USF3: variants seen among roughly 807,000 people sequenced by gnomAD.
The protein encoded by USF3 is basic helix-loop-helix domain-containing protein USF3.
In USF3, 29 loss-of-function variants were observed where a neutral mutation model predicts 157.5. That is an observed-to-expected ratio of 0.18 (90% CI 0.14 to 0.25). The LOEUF is 0.25. Ranked by LOEUF, USF3 falls within the 10% of genes least tolerant of loss-of-function variation. The pLI, the probability that USF3 is intolerant of heterozygous loss-of-function variation, is 1.00. For synonymous variants in USF3, 893 were observed against 941.4 expected, an observed-to-expected ratio of 0.95 and a Z score of 0.94; for missense variants, 2,381 against 2,667.6, an observed-to-expected ratio of 0.89 and a Z score of 2.37.
intron 5 of USF3, among the ~76,000 whole-genome samples, chr3:113,666,505 G>C (rs1320283723): frequency 1.3e-5 from 2 of 148,986 alleles, no homozygotes; most frequent in East Asian, 2.0e-4. Flanking sequence ...CTCCCACCTT[G>C]GTCTCCCAAA....
At chr3:113,683,302 T>TAGTTTTTAATCTATAAAAACTATTATCA (rs1707476892) in intron 1 of USF3, among the ~76,000 whole-genome samples, 6 of 152,108 alleles carry the variant, frequency 3.9e-5, no homozygotes, top group Admixed American at 2.0e-4. Flanking sequence ...AACTATTATC[T>TAGTTTTTAATCTATAAAAACTATTATCA]AGTTTTTAAT....
At chr3:113,667,703 C>A (rs192662575) in intron 5 of USF3, among the ~76,000 whole-genome samples, 3 of 152,130 alleles carry the variant, frequency 2.0e-5, no homozygotes, top group Admixed American at 2.0e-4. Flanking sequence ...CCCATCTCTA[C>A]TAAAAATACA....
chr3:113,678,277 A>G (rs1707328254), intron 1 of USF3, among the ~76,000 whole-genome samples: 1 of 152,274 alleles, frequency 6.6e-6, no homozygotes, highest in East Asian at 1.9e-4. Flanking sequence ...AAGTCTGCAG[A>G]TAATTTCACA....
intron 1 of USF3, among the ~76,000 whole-genome samples, chr3:113,678,836 C>A (rs1707342048): frequency 6.6e-6 from 1 of 152,038 alleles, no homozygotes; most frequent in African/African-American, 2.4e-5. Flanking sequence ...CAGCCTCAAA[C>A]TTCTGGCTCT....
In USF3 at chr3:113,656,537, A is replaced by G; in HGVS notation, c.5145T>C (p.His1715=). The change falls in exon 7 of 7, where the codon CAT becomes CAC. Residue 1715 remains histidine, a synonymous_variant. Coordinates refer to ENST00000316407, the MANE Select transcript of USF3 (RefSeq NM_001009899.4). ...DVPRNKSLAI[H]NMQGRVDHTV... is the part of the protein sequence containing the mutation. ...TATGGTCCACACGACCCTGCATATT[A>G]TGAATAGCCAAACTCTTATTTCTGG... 1 of 1,614,248 alleles carries G rather than the reference A, an allele frequency of 6.2e-7. No individual in the cohort carries two copies. The highest frequency in any genetic ancestry group is 2.2e-5 in the East Asian group (1 of 44,890).
In USF3 at chr3:113,659,655, A is replaced by T. The variant is rs1194729054; in HGVS notation, c.2027T>A (p.Val676Glu). 6.2e-7 allele frequency: 1 copy of T among 1,614,256 alleles called. No homozygotes were observed. Among genetic ancestry groups the T allele is most frequent in the Non-Finnish European group, 8.5e-7 (1 of 1,180,038 alleles). The change falls in exon 7 of 7, where the codon GTG becomes GAG. Residue 676 changes from valine to glutamate, a missense_variant. Val to Glu is a moderately radical substitution (Grantham distance 121, BLOSUM62 -2). This residue lies in a region of USF3 where 1,435 missense variants were observed against 1,550.9 expected (regional missense o/e 0.93). Coordinates refer to ENST00000316407, the MANE Select transcript of USF3 (RefSeq NM_001009899.4). The part of the protein sequence containing the change: ...LNGQLFALQP[V>E]MSSSGTTNQT... ...ATTTGTAGTTCCTGATGAAGACATCACAGGCTGCAAAGCAAAGAGCTGTCC... is the reference window on the plus strand; with the variant it reads ...ATTTGTAGTTCCTGATGAAGACATCTCAGGCTGCAAAGCAAAGAGCTGTCC...
chr3:113,673,525 A>ATATATTAT (rs1707210478), intron 3 of USF3, 149 bp from the exon 4 acceptor site: 1 of 590,968 alleles, frequency 1.7e-6, no homozygotes, highest in Admixed American at 3.3e-5. Context: ...TTTCCTTAAT[A>ATATATTAT]TATATTATGG....
chr3:113,681,843 C>A (rs998562139), intron 1 of USF3, among the ~76,000 whole-genome samples: 1 of 150,934 alleles, frequency 6.6e-6, no homozygotes, highest in Non-Finnish European at 1.5e-5. Context: ...CTCAGCCTCC[C>A]GAGTAGCTGG....
chr3:113,656,947 A>C lies in USF3; in HGVS notation c.4735T>G (p.Cys1579Gly). 6.2e-7 allele frequency: 1 copy of C among 1,614,174 alleles called. No homozygotes were observed. The highest frequency in any genetic ancestry group is 1.1e-5 in the South Asian group (1 of 91,086). ...TTCCGACTAGTTGAAGGGTTTTCAC[A>C]GCTCTTCTCTGTCTGGGAGCTTCCA... ...HFGSSQTEKS[C>G]ENPSTSRNHH... is the part of the protein sequence containing the mutation. The change falls in exon 7 of 7, where the codon TGT (cysteine) becomes GGT (glycine). Residue 1579 changes from cysteine to glycine, a missense_variant. Cys to Gly is a radical substitution (Grantham distance 159). Around this residue, in one of 6 missense-constraint regions of USF3, gnomAD observed 770 missense variants for 824.2 expected, o/e 0.93. Coordinates refer to ENST00000316407, the MANE Select transcript of USF3 (RefSeq NM_001009899.4).
intron 1 of USF3, among the ~76,000 whole-genome samples, chr3:113,683,011 T>G (rs1157983967): frequency 6.6e-6 from 1 of 152,014 alleles, no homozygotes; most frequent in Non-Finnish European, 1.5e-5. Flanking sequence ...CCCACCATTT[T>G]GTTATTTGTT....
chr3:113,658,272 G>A lies in USF3; in HGVS notation c.3410C>T (p.Ala1137Val), dbSNP rs372283140. The A allele has an allele frequency of 5.6e-6, 9 of 1,614,124 alleles. No homozygotes were observed. Among genetic ancestry groups the A allele is most frequent in the Non-Finnish European group, 6.8e-6 (8 of 1,180,024 alleles). Residue 1137 changes from alanine (A) to valine (V), a missense_variant, in exon 7 of 7, where the codon GCA becomes GTA. Physicochemically the swap from Ala to Val is moderately conservative, Grantham distance 64. Transcript: ENST00000316407. Reference sequence around the variant, plus strand: ...GTTCTCCTGGTCAAAAATAGCTCTTGCTGCAAGAGCTACTATATCAGTTTG... The same window carrying A: ...GTTCTCCTGGTCAAAAATAGCTCTTACTGCAAGAGCTACTATATCAGTTTG... ...VEQTDIVALA[A>V]RAIFDQENLE...
At chr3:113,666,265 T>C (rs1947564950) in intron 5 of USF3, among the ~76,000 whole-genome samples, 1 of 144,792 alleles carries the variant, frequency 6.9e-6, no homozygotes, top group Non-Finnish European at 1.5e-5. Context: ...TTTTTTTTTT[T>C]TTTTGAGACA....
intron 1 of USF3, among the ~76,000 whole-genome samples, chr3:113,691,353 T>C (rs188943047): frequency 1.5e-4 from 23 of 152,302 alleles, no homozygotes; most frequent in African/African-American, 5.3e-4. Context: ...CCTCACTTCT[T>C]ATTCACTCTT....
intron 5 of USF3, 99 bp from the exon 6 acceptor site, chr3:113,664,508 G>A (rs554191627): frequency 1.3e-4 from 76 of 568,580 alleles, no homozygotes; most frequent in South Asian, 5.4e-4. Context: ...TATATGATAC[G>A]TATCTTCTCA....
Position 113,655,381 on chromosome 3 carries a change from C to T in USF3, c.6301G>A (p.Val2101Ile). 1.2e-6 allele frequency: 2 copies of T among 1,614,014 alleles called. No individual in the cohort carries two copies. The highest frequency in any genetic ancestry group is 1.7e-6 in the Non-Finnish European group (2 of 1,179,998). The part of the protein sequence containing the change: ...SATRTPALIP[V>I]DPQNTLPSFY... The stretch of plus-strand genomic sequence containing the variant: ...GAGGGCAGAGTATTTTGCGGATCTA[C>T]CGGGATGAGGGCTGGAGTTCGAGTG... Residue 2101 changes from valine to isoleucine, a missense_variant, in exon 7 of 7, where the codon GTA (valine) becomes ATA (isoleucine). Transcript: ENST00000316407.
intron 1 of USF3, among the ~76,000 whole-genome samples, chr3:113,688,979 C>G (rs1156677315): frequency 6.6e-6 from 1 of 151,982 alleles, no homozygotes; most frequent in Admixed American, 6.6e-5. Flanking sequence ...TGCAGTGAGC[C>G]GAGATCATGC....
chr3:113,677,626 C>T (rs34458493), intron 1 of USF3, among the ~76,000 whole-genome samples: 53,056 of 152,048 alleles, frequency 0.35, 9,389 homozygotes, highest in African/African-American at 0.41. Flanking sequence ...TTACAGCCAA[C>T]GGATGGTCCC....
intron 1 of USF3, among the ~76,000 whole-genome samples, chr3:113,683,095 C>T (rs1707471052): frequency 6.6e-6 from 1 of 151,702 alleles, no homozygotes; most frequent in South Asian, 2.1e-4. Context: ...TAATTTCTTG[C>T]TTTATACATG....
rs560788736 is a variant in USF3, at chr3:113,658,242, T to C, written c.3440A>G (p.Glu1147Gly). ...AGCCTGGAGGCCAACTCTCCCCTTC[T>C]CAAGGTTCTCCTGGTCAAAAATAGC... Reference protein sequence around the residue: ...ARAIFDQENLEKGRVGLQADI... With the variant: ...ARAIFDQENLGKGRVGLQADI... The change falls in exon 7 of 7, where the codon GAG becomes GGG. Residue 1147 changes from glutamate (E) to glycine (G), a missense_variant. Coordinates refer to ENST00000316407, the MANE Select transcript of USF3 (RefSeq NM_001009899.4). The C allele has an allele frequency of 1.3e-5, 21 of 1,614,138 alleles. No homozygotes were observed. The East Asian group carries it at 4.0e-4, about 31-fold the overall frequency.
Sources: gnomAD v4.1 joint callset for allele counts (sites outside exome capture counted in the v4.1 genomes callset) on GRCh38, gnomAD v4.1.1 for gene constraint, gnomAD v4.1.1 regional missense constraint, MANE v1.5 for transcripts, NCBI Gene and HGNC (gene_info 2026-07-23, HGNC 2026-07-21) for gene names.